TSPOAP1: variants seen among roughly 807,000 people sequenced by gnomAD.
TSPOAP1 encodes the protein peripheral-type benzodiazepine receptor-associated protein 1.
In TSPOAP1, 87 loss-of-function variants were observed where a neutral mutation model predicts 197.0. The ratio of observed to expected loss-of-function variants is 0.44; its 90% CI spans 0.37 to 0.53. The LOEUF (loss-of-function observed/expected upper bound fraction) is 0.53. Among genes scored for constraint, TSPOAP1 ranks in the 20% least tolerant of loss-of-function variants. TSPOAP1 has a pLI of 0.00. For missense variants in TSPOAP1, 2,174 were observed against 2,411.3 expected (o/e 0.90, Z 2.06); for synonymous variants, 913 against 998.9 (o/e 0.91, Z 1.62).
At position 58,324,836 on chromosome 17, in the gene TSPOAP1, G is replaced by T. The variant is rs571682090; in HGVS notation, c.917C>A (p.Ala306Glu). 1.4e-4 allele frequency: 213 copies of T among 1,478,478 alleles called. 3 individuals are homozygous for T. In the South Asian group the frequency reaches 2.6e-3, roughly 18 times the overall value. 91.6% of individuals were successfully genotyped at this position (1,478,478 alleles called of 1,614,324 possible). Reference protein sequence around the residue: ...PGPALQARAGAPAPGAPGEAT... With the variant: ...PGPALQARAGEPAPGAPGEAT... ...CTCTCCCGGGGCCCCGGGAGCAGGC[G>T]CCCCTGCTCTGGCCTGGAGAGCAGG... Residue 306 changes from alanine (A) to glutamate (E), a missense_variant, in exon 5 of 32, where the codon GCG (alanine) becomes GAG (glutamate). Around this residue, in one of 5 missense-constraint regions of TSPOAP1, gnomAD observed 1,933 missense variants for 2,139.0 expected, o/e 0.90. Coordinates refer to ENST00000343736, the MANE Select transcript of TSPOAP1 (RefSeq NM_004758.4). The surrounding 1 kb of genome is among the most constrained non-coding windows in gnomAD (Gnocchi z 5.8).
Position 58,325,991 on chromosome 17 carries a change from C to T in TSPOAP1, c.571-278G>A, listed in dbSNP as rs540920462. On this transcript the variant is annotated intron_variant, in intron 3 of 31. Coordinates refer to ENST00000343736, the MANE Select transcript of TSPOAP1 (RefSeq NM_004758.4). ...TCCCTGCCCCCACTCCAGCTCTATACCCTGAGATGAGCTCAGCAGAAGGCT... is the reference window on the plus strand; with the variant it reads ...TCCCTGCCCCCACTCCAGCTCTATATCCTGAGATGAGCTCAGCAGAAGGCT... Among the ~76,000 whole-genome samples the T allele has an allele frequency of 1.1e-4, 16 of 152,296 alleles. No homozygotes were observed. The South Asian group carries it at 3.3e-3, about 32-fold the overall frequency.
chr17:58,318,870 G>A (rs371299627), intron 13 of TSPOAP1, among the ~76,000 whole-genome samples: 1 of 152,182 alleles, frequency 6.6e-6, no homozygotes, highest in African/African-American at 2.4e-5. Context: ...CCTTTTGGAA[G>A]GAGAGGAGCA....
In TSPOAP1 at chr17:58,322,109, C is replaced by A; in HGVS notation, c.1422+199G>T. The A allele has an allele frequency of 3.4e-6, 2 of 586,060 alleles. No individual in the cohort carries two copies. The highest frequency in any genetic ancestry group is 6.0e-6 in the Non-Finnish European group (2 of 333,056). 36.3% of individuals were successfully genotyped at this position (586,060 alleles called of 1,614,324 possible). A position where few individuals can be genotyped will look rare whatever the true frequency, so the allele number is the denominator to read the frequency against. The stretch of plus-strand genomic sequence containing the variant: ...CTTTGTCACATCACCCTGTTCTTCT[C>A]CACCACTGTGCTCATCAGTGTCTGA... On this transcript the variant is annotated intron_variant, in intron 10 of 31. Transcript: ENST00000343736. This position sits in a 1 kb window ranked among gnomAD's most constrained non-coding sequence, Gnocchi z 5.0.
intron 22 of TSPOAP1, among the ~76,000 whole-genome samples, 175 bp from the exon 23 acceptor site, chr17:58,308,116 G>A (rs1293302785): frequency 1.3e-5 from 2 of 152,192 alleles, no homozygotes; most frequent in African/African-American, 2.4e-5. Context: ...ACAGTGGGAG[G>A]GAGGGCAGGA....
rs1349341244 is a variant in TSPOAP1 at position 58,318,398 on chromosome 17, G to C, written c.1754C>G (p.Pro585Arg). ...GACCCCAGTGAGAGTGGCAGGGGCAGGCTCGGAAGACTTTGGGGTGCAGCG... is the reference window on the plus strand; with the variant it reads ...GACCCCAGTGAGAGTGGCAGGGGCACGCTCGGAAGACTTTGGGGTGCAGCG... ...PGRCTPKSSE[P>R]APATLTGVPR... Residue 585 changes from proline to arginine, a missense_variant, in exon 14 of 32, where the codon CCT becomes CGT. Coordinates refer to ENST00000343736, the MANE Select transcript of TSPOAP1 (RefSeq NM_004758.4). 1.2e-6 allele frequency: 2 copies of C among 1,613,992 alleles called. No individual in the cohort carries two copies. The highest frequency in any genetic ancestry group is 1.3e-5 in the African/African-American group (1 of 74,918).
rs1267088899 is a variant in TSPOAP1 at position 58,304,682 on chromosome 17, G to C, written c.5545-283C>G. 3.5e-6 allele frequency: 2 copies of C among 570,542 alleles called. No individual in the cohort carries two copies. The highest frequency in any genetic ancestry group is 6.3e-6 in the Non-Finnish European group (2 of 318,118). The allele number at this position is 570,542 out of a possible 1,614,324, so 35.3% of individuals were successfully genotyped here. A position where few individuals can be genotyped will look rare whatever the true frequency, so the allele number is the denominator to read the frequency against. ...CTGGCTGGGCAACTGGCTTCCAAAG[G>C]CACCTGGGAGGTATGGAGACCACCC... On this transcript the variant is annotated intron_variant, in intron 30 of 31. Transcript: ENST00000343736. The surrounding 1 kb of genome is among the most constrained non-coding windows in gnomAD (Gnocchi z 4.2).
chr17:58,320,087 G>A, intron 12 of TSPOAP1, 22 bp downstream of exon 12: 1 of 1,614,154 alleles, frequency 6.2e-7, no homozygotes, highest in South Asian at 1.1e-5. Context: ...GAGGTGTGGG[G>A]AAGTGGAGAA....
In TSPOAP1 at chr17:58,326,593, A is replaced by G; in HGVS notation, c.441+90T>C. On this transcript the variant is annotated intron_variant, in intron 2 of 31. Coordinates refer to ENST00000343736, the MANE Select transcript of TSPOAP1 (RefSeq NM_004758.4). This position sits in a 1 kb window ranked among gnomAD's most constrained non-coding sequence, Gnocchi z 4.7. The stretch of plus-strand genomic sequence containing the variant: ...ATTTTGTCACCTCCATTGAGCCCCC[A>G]CTTGGAAAGATGTTCATGGGGTGAG... The G allele has an allele frequency of 1.3e-6, 2 of 1,543,428 alleles. No homozygotes were observed. The highest frequency in any genetic ancestry group is 1.8e-6 in the Non-Finnish European group (2 of 1,125,232).
rs1474099178 is a variant in TSPOAP1 at position 58,312,325 on chromosome 17, T to C, written c.2496A>G (p.Arg832=). 6.2e-7 allele frequency: 1 copy of C among 1,612,750 alleles called. No homozygotes were observed. Among genetic ancestry groups the C allele is most frequent in the African/African-American group, 1.3e-5 (1 of 75,052 alleles). The change falls in exon 17 of 32, where the codon CGA becomes CGG. Residue 832 remains arginine (R), a synonymous_variant. Transcript: ENST00000343736. ...GTGGCGCCCCAGGCCCCAGGGCCTGTCGCAGCTCCCCATTCACACAGATAT... is the reference window on the plus strand; with the variant it reads ...GTGGCGCCCCAGGCCCCAGGGCCTGCCGCAGCTCCCCATTCACACAGATAT... ...GFHICVNGEL[R]QALGPGAPPK...
At position 58,322,002 on chromosome 17, in the gene TSPOAP1, T is replaced by C. The variant is rs1971417703; in HGVS notation, c.1422+306A>G. On this transcript the variant is annotated intron_variant, in intron 10 of 31. Coordinates refer to ENST00000343736, the MANE Select transcript of TSPOAP1 (RefSeq NM_004758.4). The surrounding 1 kb of genome is among the most constrained non-coding windows in gnomAD (Gnocchi z 5.0). Reference sequence around the variant, plus strand: ...AGAGCATGTGCATGTCTACACCTCCTGGCTGGCAAGGTCAATTGTCACCTC... The same window carrying C: ...AGAGCATGTGCATGTCTACACCTCCCGGCTGGCAAGGTCAATTGTCACCTC... 1.1e-5 allele frequency: 4 copies of C among 370,722 alleles called. No homozygotes were observed. Among genetic ancestry groups the C allele is most frequent in the East Asian group, 4.8e-5 (1 of 20,908 alleles). The allele number at this position is 370,722 out of a possible 1,614,324, so 23.0% of individuals were successfully genotyped here.
chr17:58,327,972 G>A lies in TSPOAP1; in HGVS notation c.-52C>T. ...GGGCCGGGGGACATCACCCAGCCAG[G>A]TGGGGGGACTGGCGAGGGTCATGCC... On this transcript the variant is annotated 5_prime_UTR_variant, in exon 1 of 32. Coordinates refer to ENST00000343736, the MANE Select transcript of TSPOAP1 (RefSeq NM_004758.4). 1 of 1,476,286 alleles carries A rather than the reference G, an allele frequency of 6.8e-7. No homozygotes were observed. The highest frequency in any genetic ancestry group is 9.1e-7 in the Non-Finnish European group (1 of 1,097,980). 91.4% of individuals were successfully genotyped at this position (1,476,286 alleles called of 1,614,324 possible).
At chr17:58,305,361 T>C in intron 29 of TSPOAP1, 26 bp downstream of exon 29, 1 of 1,612,760 alleles carries the variant, frequency 6.2e-7, no homozygotes, top group Non-Finnish European at 8.5e-7. Flanking sequence ...TGGGATATGG[T>C]ACACCCTCCC....
Position 58,324,864 on chromosome 17 carries a change from C to G in TSPOAP1, c.889G>C (p.Gly297Arg), listed in dbSNP as rs770843190. Residue 297 changes from glycine (G) to arginine (R), a missense_variant, in exon 5 of 32, where the codon GGC becomes CGC. By Grantham distance (125) the Gly-to-Arg change is moderately radical. Transcript: ENST00000343736. This position sits in a 1 kb window ranked among gnomAD's most constrained non-coding sequence, Gnocchi z 5.8. ...TLPLPPSWPP[G>R]PALQARAGAP... ...CCTGCTCTGGCCTGGAGAGCAGGGC[C>G]CGGGGGCCAGGACGGCGGGAGCGGG... 4 of 1,529,970 alleles carry G rather than the reference C, an allele frequency of 2.6e-6. No homozygotes were observed. Among genetic ancestry groups the G allele is most frequent in the East Asian group, 4.9e-5 (2 of 40,730 alleles). The allele number at this position is 1,529,970 out of a possible 1,614,324, so 94.8% of individuals were successfully genotyped here.
intron 16 of TSPOAP1, 30 bp downstream of exon 16, chr17:58,315,993 G>A (rs752706646): frequency 1.3e-6 from 2 of 1,533,110 alleles, no homozygotes; most frequent in South Asian, 2.2e-5. Flanking sequence ...GCAGGGGAAT[G>A]GACAGAATGA....
At position 58,312,362 on chromosome 17, in the gene TSPOAP1, A is replaced by T; in HGVS notation, c.2459T>A (p.Leu820Gln). 6.2e-7 allele frequency: 1 copy of T among 1,612,324 alleles called. No individual in the cohort carries two copies. Among genetic ancestry groups the T allele is most frequent in the Non-Finnish European group, 8.5e-7 (1 of 1,179,442 alleles). Residue 820 changes from leucine (L) to glutamine (Q), a missense_variant, in exon 17 of 32, where the codon CTA becomes CAA. Leu to Gln is a moderately radical substitution (Grantham distance 113, BLOSUM62 -2). Around this residue, in one of 5 missense-constraint regions of TSPOAP1, gnomAD observed 1,933 missense variants for 2,139.0 expected, o/e 0.90. Transcript: ENST00000343736. ...ATTCACACAGATATGGAAGCCGTGT[A>T]GCTCCACTTGCTCAGGAGGCGGCTC... ...AWEPPPEQVE[L>Q]HGFHICVNGE... is the part of the protein sequence containing the mutation.
At position 58,310,768 on chromosome 17, in the gene TSPOAP1, TGAGG is replaced by T. The variant is rs1463387540; in HGVS notation, c.3460-21_3460-18del. 6.2e-7 allele frequency: 1 copy of T among 1,606,300 alleles called. No individual in the cohort carries two copies. ...AGCCTCCTCCTGGAACAGAGAGCAC[TGAGG>T]AAGGACCCAAGCCCAGGTCCCTCTG... On this transcript the variant is annotated intron_variant, in intron 19 of 31. Coordinates refer to ENST00000343736, the MANE Select transcript of TSPOAP1 (RefSeq NM_004758.4).
In TSPOAP1 at chr17:58,328,160, C is replaced by T. The variant is rs1228004547; in HGVS notation, c.-240G>A. 26 of 559,918 alleles carry T rather than the reference C, an allele frequency of 4.6e-5. No homozygotes were observed. The highest frequency in any genetic ancestry group is 6.1e-5 in the Admixed American group (2 of 32,622). The allele number at this position is 559,918 out of a possible 1,614,324, so 34.7% of individuals were successfully genotyped here. A position where few individuals can be genotyped will look rare whatever the true frequency, so the allele number is the denominator to read the frequency against. ...GTTTGCTGGTAGCTGTGTGTGTGCGCGAGTATGTGGAGGAGCGAGGGTGTC... is the reference window on the plus strand; with the variant it reads ...GTTTGCTGGTAGCTGTGTGTGTGCGTGAGTATGTGGAGGAGCGAGGGTGTC... On this transcript the variant is annotated 5_prime_UTR_variant, in exon 1 of 32. Coordinates refer to ENST00000343736, the MANE Select transcript of TSPOAP1 (RefSeq NM_004758.4). This position sits in a 1 kb window ranked among gnomAD's most constrained non-coding sequence, Gnocchi z 4.3.
In TSPOAP1 at chr17:58,305,187, C is replaced by A. The variant is rs142129538; in HGVS notation, c.5434-16G>T. On this transcript the variant is annotated splice_polypyrimidine_tract_variant and intron_variant, in intron 29 of 31. Transcript: ENST00000343736. Reference sequence around the variant, plus strand: ...TTAATTCCCCCTGGAGAGAAGAGGCCGGTGAGACTGAGATCAGGAAAGAGG... The same window carrying A: ...TTAATTCCCCCTGGAGAGAAGAGGCAGGTGAGACTGAGATCAGGAAAGAGG... The A allele has an allele frequency of 3.6e-4, 577 of 1,588,878 alleles. 6 individuals carry two copies. In the East Asian group the frequency reaches 0.013, roughly 35 times the overall value.
chr17:58,318,772 G>A lies in TSPOAP1; in HGVS notation c.1699+318C>T, dbSNP rs1048672806. Among the ~76,000 whole-genome samples, 7 of 152,174 alleles carry A rather than the reference G, an allele frequency of 4.6e-5. No homozygotes were observed. In the South Asian group the frequency reaches 6.2e-4, roughly 14 times the overall value. ...GAGTGGAGCTGGGACCACCGGATCC[G>A]ACTGACCCCCAAGCCCCCACTCTGC... On this transcript the variant is annotated intron_variant, in intron 13 of 31. Coordinates refer to ENST00000343736, the MANE Select transcript of TSPOAP1 (RefSeq NM_004758.4).
Sources: gnomAD v4.1 joint callset for allele counts (sites outside exome capture counted in the v4.1 genomes callset) on GRCh38, gnomAD v4.1.1 for gene constraint, gnomAD v4.1.1 regional missense constraint, Gnocchi (gnomAD v3.1) non-coding constraint, MANE v1.5 for transcripts, NCBI Gene and HGNC (gene_info 2026-07-23, HGNC 2026-07-21) for gene names.